Variants in MYO16 observed in about 807,000 individuals in gnomAD.
MYO16 encodes the protein myosin XVI.
MYO16 carries 94 observed loss-of-function variants against 205.3 expected under a neutral mutation model. The ratio of observed to expected loss-of-function variants is 0.46; its 90% confidence interval spans 0.39 to 0.54. The LOEUF (loss-of-function observed/expected upper bound fraction) is 0.54. MYO16 is among the 20% of genes least tolerant of loss of function. MYO16 has a pLI of 0.00. For missense variants in MYO16, 2,315 were observed against 2,387.5 expected (o/e 0.97, Z 0.63); for synonymous variants, 988 against 954.0 (o/e 1.04, Z -0.66).
chr13:108,869,731 TAAAAAA>T (rs68025820), intron 12 of MYO16, among the ~76,000 whole-genome samples: 2 of 67,024 alleles, frequency 3.0e-5, no homozygotes, highest in African/African-American at 7.0e-5. Flanking sequence ...ACTCCGTTTC[TAAAAAA>T]AAAAAAAAAA....
chr13:109,084,428 T>G (rs1361022014), intron 27 of MYO16, among the ~76,000 whole-genome samples: 1 of 152,144 alleles, frequency 6.6e-6, no homozygotes, highest in Non-Finnish European at 1.5e-5. Flanking sequence ...CGATACCCTT[T>G]AATATAATTA....
intron 4 of MYO16, among the ~76,000 whole-genome samples, chr13:108,760,866 T>C (rs1360249557): frequency 6.6e-6 from 1 of 152,196 alleles, no homozygotes; most frequent in Admixed American, 6.5e-5. Context: ...TCTACCTCCA[T>C]AAGATCAACG....
rs1409476722 is a variant in MYO16, at chr13:109,206,733, G to A, written c.5540G>A (p.Arg1847Lys). 2 of 1,614,058 alleles carry A rather than the reference G, an allele frequency of 1.2e-6. No individual in the cohort carries two copies. Among genetic ancestry groups the A allele is most frequent in the African/African-American group, 2.7e-5 (2 of 74,928 alleles). ...WQQILHHAEP[R>K]VPPPPPCKKP... ...CAGATCCTGCACCACGCTGAGCCCA[G>A]GGTGCCTCCCCCACCACCTTGCAAG... is the stretch of plus-strand genomic sequence containing the variant. Residue 1847 changes from arginine to lysine, a missense_variant, in exon 35 of 35, where the codon AGG becomes AAG. Transcript: ENST00000457511.
At chr13:109,034,329 C>T (rs778453456) in intron 23 of MYO16, among the ~76,000 whole-genome samples, 1 of 152,132 alleles carries the variant, frequency 6.6e-6, no homozygotes, top group Non-Finnish European at 1.5e-5. Context: ...AAGGAGAGAC[C>T]AGGTGGAGGT....
At chr13:108,538,388 T>C in the MYO16 span, among the ~76,000 whole-genome samples, 2 of 152,048 alleles carry the variant, frequency 1.3e-5, no homozygotes, top group Non-Finnish European at 2.9e-5. Context: ...GTGAGCAAGA[T>C]TTTTCACTTT....
chr13:108,519,764 AT>A, the MYO16 span, among the ~76,000 whole-genome samples: 1 of 152,258 alleles, frequency 6.6e-6, no homozygotes, highest in South Asian at 2.1e-4. Context: ...TAGGAAGACC[AT>A]TTGTAGGAGT....
chr13:108,658,965 C>T (rs1881367013), intron 1 of MYO16, among the ~76,000 whole-genome samples: 1 of 151,914 alleles, frequency 6.6e-6, no homozygotes, highest in African/African-American at 2.4e-5. Context: ...GCTTAAAAAT[C>T]TTGAACACTG....
intron 32 of MYO16, among the ~76,000 whole-genome samples, chr13:109,161,802 C>T (rs993018302): frequency 2.0e-5 from 3 of 152,132 alleles, no homozygotes; most frequent in African/African-American, 4.8e-5. Context: ...CGTTTAAAAG[C>T]ATGTCATGGT....
intron 1 of MYO16, among the ~76,000 whole-genome samples, chr13:108,634,126 T>C (rs766812888): frequency 4.6e-5 from 7 of 152,028 alleles, no homozygotes; most frequent in Non-Finnish European, 8.8e-5. Context: ...TGATCAAACA[T>C]CTCACCCAGG....
At chr13:108,918,403 A>G (rs1566410865) in intron 16 of MYO16, among the ~76,000 whole-genome samples, 1 of 152,234 alleles carries the variant, frequency 6.6e-6, no homozygotes, top group Admixed American at 6.5e-5. Context: ...TCAGTAATTA[A>G]TTCTCACTTA....
At chr13:108,728,898 G>C (rs1884429204) in intron 4 of MYO16, among the ~76,000 whole-genome samples, 2 of 151,772 alleles carry the variant, frequency 1.3e-5, no homozygotes, top group African/African-American at 4.8e-5. Context: ...GGGATTAAAG[G>C]CTGTATATTG....
At chr13:108,603,681 T>C (rs1182566095) in intron 1 of MYO16, among the ~76,000 whole-genome samples, 2 of 152,192 alleles carry the variant, frequency 1.3e-5, no homozygotes, top group African/African-American at 4.8e-5. Flanking sequence ...TATTTTGCTA[T>C]ATTTAGCAGT....
At chr13:108,748,532 T>C (rs562950348) in intron 4 of MYO16, among the ~76,000 whole-genome samples, 1 of 151,750 alleles carries the variant, frequency 6.6e-6, no homozygotes, top group East Asian at 1.9e-4. Context: ...TAGGAAAAAA[T>C]AAAGACATTA....
chr13:109,003,147 A>T (rs1410852758), intron 21 of MYO16, among the ~76,000 whole-genome samples: 6 of 152,174 alleles, frequency 3.9e-5, no homozygotes, highest in Non-Finnish European at 8.8e-5. Flanking sequence ...GTTTCCAGTG[A>T]CTCACTACCA....
chr13:108,559,490 T>TTG, the MYO16 span, among the ~76,000 whole-genome samples: 170 of 145,890 alleles, frequency 1.2e-3, no homozygotes, highest in African/African-American at 3.6e-3. Context: ...TTTTTTTTTT[T>TTG]TTGAGACGGA....
intron 27 of MYO16, among the ~76,000 whole-genome samples, chr13:109,099,225 A>T (rs1888875877): frequency 6.6e-6 from 1 of 152,210 alleles, no homozygotes; most frequent in South Asian, 2.1e-4. Context: ...TTTGTGACCC[A>T]TTTGGAACCC....
intron 23 of MYO16, among the ~76,000 whole-genome samples, chr13:109,025,107 C>T (rs1459940004): frequency 4.6e-5 from 7 of 152,036 alleles, no homozygotes; most frequent in Non-Finnish European, 7.4e-5. Flanking sequence ...TTGGCCAGAC[C>T]GATGGGGTAG....
intron 9 of MYO16, among the ~76,000 whole-genome samples, chr13:108,838,211 C>T (rs921529643): frequency 6.6e-6 from 1 of 151,608 alleles, no homozygotes; most frequent in Non-Finnish European, 1.5e-5. Flanking sequence ...AACAAACAGA[C>T]ATTATAAAAT....
chr13:108,838,691 AC>A (rs1877071702), intron 9 of MYO16, among the ~76,000 whole-genome samples: 1 of 123,250 alleles, frequency 8.1e-6, no homozygotes, highest in South Asian at 2.4e-4. Flanking sequence ...ATATATATAT[AC>A]ACACACACAC....
Sources: allele counts gnomAD v4.1 joint callset (sites outside exome capture counted in the v4.1 genomes callset), GRCh38; gene constraint gnomAD v4.1.1; transcripts MANE v1.5; gene names NCBI Gene and HGNC (gene_info 2026-07-23, HGNC 2026-07-21).